Variants in C20orf203 observed in about 807,000 individuals in gnomAD.
C20orf203 encodes the protein chromosome 20 open reading frame 203.
Under a neutral mutation model 15.9 loss-of-function variants are expected in C20orf203, and 16 were observed. The observed-to-expected ratio is 1.01, with a 90% CI of 0.68 to 1.53. The LOEUF is 1.53. Among genes scored for constraint, C20orf203 ranks in the 40% most tolerant of loss-of-function variants. The pLI is 0.00. For missense variants in C20orf203, 263 were observed against 247.5 expected (o/e 1.06, Z -0.42); for synonymous variants, 98 against 97.2 (o/e 1.01, Z -0.05).
At chr20:32,648,613 T>G (rs796150325) in intron 4 of C20orf203, among the ~76,000 whole-genome samples, 3 of 117,254 alleles carry the variant, frequency 2.6e-5, no homozygotes, top group Admixed American at 1.6e-4. Flanking sequence ...GCTAATTTTT[T>G]TTTTTTGTGT....
In C20orf203 at chr20:32,632,401, A is replaced by G. The variant is rs1982022363; in HGVS notation, c.*3169T>C. The G allele has an allele frequency of 6.6e-6, 1 of 152,196 alleles. No individual in the cohort carries two copies. The highest frequency in any genetic ancestry group is 2.1e-4 in the South Asian group (1 of 4,834). 9.4% of individuals were successfully genotyped at this position (152,196 alleles called of 1,614,324 possible). A position where few individuals can be genotyped will look rare whatever the true frequency, so the allele number is the denominator to read the frequency against. ...GGCCAGCTACTGAAAACAAAGGGGT[A>G]AAATAATTCAAACAAAGCAAAGGGA... is the stretch of plus-strand genomic sequence containing the variant. On this transcript the variant is annotated 3_prime_UTR_variant, in exon 6 of 6. Coordinates refer to ENST00000608990, the MANE Select transcript of C20orf203 (RefSeq NM_182584.4).
In C20orf203 at chr20:32,649,542, T is replaced by TAA. The variant is rs1719497979; in HGVS notation, c.*889_*890insTT. The TAA allele has an allele frequency of 6.5e-6, 1 of 152,768 alleles. No individual in the cohort carries two copies. The allele number at this position is 152,768 out of a possible 1,614,324, so 9.5% of individuals were successfully genotyped here. ...GAGTGGGTGGGTTCTAGCACACTCC[T>TAA]CCTGCCCCTGTCACAACACGCTGAT... is the stretch of plus-strand genomic sequence containing the variant. On this transcript the variant is annotated 3_prime_UTR_variant, in exon 4 of 6. Coordinates refer to ENST00000608990, the MANE Select transcript of C20orf203 (RefSeq NM_182584.4).
intron 1 of C20orf203, among the ~76,000 whole-genome samples, chr20:32,658,962 G>A (rs1193089010): frequency 4.0e-5 from 6 of 151,554 alleles, no homozygotes; most frequent in East Asian, 1.9e-4. Flanking sequence ...CACAACCTTC[G>A]CCTCCTGGGT....
rs749181833 is a variant in C20orf203, at chr20:32,633,764, C to T, written c.*1806G>A. 5.2e-5 allele frequency: 18 copies of T among 349,440 alleles called. No homozygotes were observed. Among genetic ancestry groups the T allele is most frequent in the Non-Finnish European group, 8.2e-5 (16 of 195,370 alleles). The allele number at this position is 349,440 out of a possible 1,614,324, so 21.6% of individuals were successfully genotyped here. ...TGGTGCCTCCTGCCTCTGACTCCTCCGGCCAGTCGCCCTGACAGCCCCCTC... is the reference window on the plus strand; with the variant it reads ...TGGTGCCTCCTGCCTCTGACTCCTCTGGCCAGTCGCCCTGACAGCCCCCTC... On this transcript the variant is annotated 3_prime_UTR_variant, in exon 6 of 6. Coordinates refer to ENST00000608990, the MANE Select transcript of C20orf203 (RefSeq NM_182584.4).
intron 1 of C20orf203, among the ~76,000 whole-genome samples, chr20:32,660,372 A>C (rs932017613): frequency 6.6e-6 from 1 of 152,182 alleles, no homozygotes; most frequent in Non-Finnish European, 1.5e-5. Flanking sequence ...CTGCCTCCTC[A>C]GCCAGTCCAG....
chr20:32,666,001 C>G (rs1176355718), intron 1 of C20orf203, among the ~76,000 whole-genome samples: 1 of 151,084 alleles, frequency 6.6e-6, no homozygotes, highest in African/African-American at 2.4e-5. Context: ...GGTGTGCTGG[C>G]GCATGCCTGT....
chr20:32,664,405 C>T (rs1205376792), intron 1 of C20orf203, among the ~76,000 whole-genome samples: 1 of 152,168 alleles, frequency 6.6e-6, no homozygotes, highest in Non-Finnish European at 1.5e-5. Context: ...CAGAGCCAGC[C>T]GTAGAGTTGG....
At position 32,649,349 on chromosome 20, in the gene C20orf203, G is replaced by A. The variant is rs1394574227; in HGVS notation, c.*1083C>T. The A allele has an allele frequency of 1.3e-5, 2 of 152,462 alleles. No individual in the cohort carries two copies. The highest frequency in any genetic ancestry group is 2.9e-5 in the Non-Finnish European group (2 of 68,222). 9.4% of individuals were successfully genotyped at this position (152,462 alleles called of 1,614,324 possible). Reference sequence around the variant, plus strand: ...ACTGCACTCCAGCCTGAGCAGCAGAGTGAGACCTTGTCTCAAAAAACAAAA... The same window carrying A: ...ACTGCACTCCAGCCTGAGCAGCAGAATGAGACCTTGTCTCAAAAAACAAAA... On this transcript the variant is annotated 3_prime_UTR_variant, in exon 4 of 6. Coordinates refer to ENST00000608990, the MANE Select transcript of C20orf203 (RefSeq NM_182584.4).
chr20:32,639,829 C>T (rs1264344030), intron 5 of C20orf203, among the ~76,000 whole-genome samples: 1 of 152,060 alleles, frequency 6.6e-6, no homozygotes, highest in Non-Finnish European at 1.5e-5. Flanking sequence ...TTGAAGCATA[C>T]AGAACACACA....
chr20:32,643,269 C>G, intron 4 of C20orf203, among the ~76,000 whole-genome samples: 1 of 152,218 alleles, frequency 6.6e-6, no homozygotes, highest in South Asian at 2.1e-4. Context: ...CTTGGCCTCT[C>G]TGTGCCTCAG....
In C20orf203 at chr20:32,645,200, C is replaced by T. The variant is rs534865827; in HGVS notation, c.*1177+4055G>A. 2.0e-5 allele frequency among the ~76,000 whole-genome samples: 3 copies of T among 152,318 alleles called. No individual in the cohort carries two copies. In the East Asian group the frequency reaches 5.8e-4, roughly 29 times the overall value. On this transcript the variant is annotated intron_variant, in intron 4 of 5. Coordinates refer to ENST00000608990, the MANE Select transcript of C20orf203 (RefSeq NM_182584.4). ...CTGGAGAATCGAGCTCTTTCAGCCC[C>T]TAGTACTCTGATCATCTGTTCAGGG...
intron 5 of C20orf203, among the ~76,000 whole-genome samples, chr20:32,635,914 G>A (rs1042039878): frequency 2.0e-5 from 3 of 152,166 alleles, no homozygotes; most frequent in African/African-American, 7.2e-5. Flanking sequence ...AAAACCCCCA[G>A]GGAGCCACCC....
intron 1 of C20orf203, among the ~76,000 whole-genome samples, chr20:32,662,170 C>A (rs1409566195): frequency 6.6e-6 from 1 of 152,232 alleles, no homozygotes; most frequent in Non-Finnish European, 1.5e-5. Flanking sequence ...AAGGGAAACT[C>A]TTTTCCTAAG....
At chr20:32,661,836 G>C (rs932372856) in intron 1 of C20orf203, among the ~76,000 whole-genome samples, 1 of 152,124 alleles carries the variant, frequency 6.6e-6, no homozygotes, top group Non-Finnish European at 1.5e-5. Flanking sequence ...GAGGTGACTT[G>C]CCCAAAGCCC....
intron 4 of C20orf203, among the ~76,000 whole-genome samples, chr20:32,648,428 C>CTTTTTTTTT (rs56838832): frequency 7.5e-5 from 6 of 80,392 alleles, no homozygotes; most frequent in African/African-American, 3.0e-4. Flanking sequence ...CTGAAACTGT[C>CTTTTTTTTT]TTTTTTTTTT....
intron 5 of C20orf203, among the ~76,000 whole-genome samples, chr20:32,635,247 C>G (rs146754534): frequency 1.3e-5 from 2 of 152,098 alleles, no homozygotes; most frequent in Non-Finnish European, 2.9e-5. Context: ...TGCCTGTAAT[C>G]CCAACACTTT....
rs944319712 is a variant in C20orf203, at chr20:32,640,627, G to T, written c.*1238C>A. On this transcript the variant is annotated 3_prime_UTR_variant, in exon 5 of 6. Transcript: ENST00000608990. Reference sequence around the variant, plus strand: ...AATCACTTGAACCCGGAAGGTGGAGGTTGCAGCGAGCTGAGATCACGCCAC... The same window carrying T: ...AATCACTTGAACCCGGAAGGTGGAGTTTGCAGCGAGCTGAGATCACGCCAC... 2.0e-5 allele frequency: 3 copies of T among 152,142 alleles called. No homozygotes were observed. The highest frequency in any genetic ancestry group is 6.6e-5 in the Admixed American group (1 of 15,266). 9.4% of individuals were successfully genotyped at this position (152,142 alleles called of 1,614,324 possible). A position where few individuals can be genotyped will look rare whatever the true frequency, so the allele number is the denominator to read the frequency against.
At chr20:32,646,912 CA>C (rs1982448378) in intron 4 of C20orf203, among the ~76,000 whole-genome samples, 1 of 152,220 alleles carries the variant, frequency 6.6e-6, no homozygotes, top group South Asian at 2.1e-4. Context: ...ATGCCTCACC[CA>C]GGCCCTTTTC....
intron 2 of C20orf203, 138 bp from the exon 3 acceptor site, chr20:32,651,304 G>A (rs770545115): frequency 9.8e-5 from 39 of 397,770 alleles, no homozygotes; most frequent in African/African-American, 4.4e-4. Context: ...AGCCATGATC[G>A]CCCCACTACA....
Sources: allele counts gnomAD v4.1 joint callset (sites outside exome capture counted in the v4.1 genomes callset), GRCh38; gene constraint gnomAD v4.1.1; transcripts MANE v1.5; gene names NCBI Gene and HGNC (gene_info 2026-07-23, HGNC 2026-07-21).